RBFOX1: variants seen among roughly 807,000 people sequenced by gnomAD.
The protein encoded by RBFOX1 is RNA binding fox-1 homolog 1.
Under a neutral mutation model 57.7 loss-of-function variants are expected in RBFOX1, and 8 were observed. The ratio of observed to expected loss-of-function variants is 0.14; its 90% CI spans 0.08 to 0.25. The LOEUF (loss-of-function observed/expected upper bound fraction) is 0.25. Ranked by LOEUF, RBFOX1 falls within the 10% of genes least tolerant of loss-of-function variation. The pLI is 1.00. For missense variants in RBFOX1, 611 were observed against 548.5 expected, an observed-to-expected ratio of 1.11 and a Z score of -1.14; for synonymous variants, 326 against 222.4, an observed-to-expected ratio of 1.47 and a Z score of -4.15.
intron 4 of RBFOX1, among the ~76,000 whole-genome samples, chr16:7,390,247 A>T (rs1007331584): frequency 6.6e-6 from 1 of 152,192 alleles, no homozygotes; most frequent in Non-Finnish European, 1.5e-5. Flanking sequence ...ACAGCTGGAC[A>T]TGAGATTTGG....
At chr16:5,646,312 A>G (rs1341587153) in intron 3 of RBFOX1, among the ~76,000 whole-genome samples, 3 of 151,188 alleles carry the variant, frequency 2.0e-5, no homozygotes, top group Non-Finnish European at 2.9e-5. Context: ...GGTGTCAACC[A>G]CTGTGTTGTG....
intron 2 of RBFOX1, among the ~76,000 whole-genome samples, chr16:5,481,721 A>G (rs1775173403): frequency 6.6e-6 from 1 of 152,126 alleles, no homozygotes; most frequent in Non-Finnish European, 1.5e-5. Context: ...AGACAACAGA[A>G]CTGCATTCTG....
intron 3 of RBFOX1, among the ~76,000 whole-genome samples, chr16:6,793,769 C>T (rs1233020805): frequency 3.3e-5 from 5 of 152,068 alleles, no homozygotes; most frequent in African/African-American, 1.2e-4. Context: ...TTCCATGATT[C>T]ATTTTAGATT....
At chr16:5,309,743 A>G (rs1227745089) in intron 1 of RBFOX1, among the ~76,000 whole-genome samples, 1 of 152,228 alleles carries the variant, frequency 6.6e-6, no homozygotes, top group Non-Finnish European at 1.5e-5. Flanking sequence ...GTATAATTTT[A>G]TAAGGAATGA....
In RBFOX1 at chr16:6,518,755, C is replaced by G. The variant is rs145134342; in HGVS notation, c.-63-135848C>G. On this transcript the variant is annotated intron_variant, in intron 2 of 15. Coordinates refer to ENST00000550418, the MANE Select transcript of RBFOX1 (RefSeq NM_018723.4). ...CATCCATCTATCTCTGTCTGTCTGTCTATCCATCTATCTATCCATCTGTCT... is the reference window on the plus strand; with the variant it reads ...CATCCATCTATCTCTGTCTGTCTGTGTATCCATCTATCTATCCATCTGTCT... 4.6e-3 allele frequency among the ~76,000 whole-genome samples: 696 copies of G among 151,966 alleles called. 5 individuals carry two copies. Among genetic ancestry groups the G allele is most frequent in the Non-Finnish European group, 7.5e-3 (513 of 67,986 alleles).
At chr16:5,848,621 T>A (rs2056814334) in intron 3 of RBFOX1, among the ~76,000 whole-genome samples, 1 of 152,146 alleles carries the variant, frequency 6.6e-6, no homozygotes, top group Non-Finnish European at 1.5e-5. Flanking sequence ...GAAGTCTTCC[T>A]ACAGCAGGTG....
chr16:7,523,675 A>G (rs945401030), intron 5 of RBFOX1, among the ~76,000 whole-genome samples: 1 of 152,178 alleles, frequency 6.6e-6, no homozygotes, highest in Admixed American at 6.5e-5. Flanking sequence ...GCTGATCCTG[A>G]AGGAAGTTTT....
At chr16:6,320,803 A>C (rs189812244) in intron 2 of RBFOX1, among the ~76,000 whole-genome samples, 207 of 152,092 alleles carry the variant, frequency 1.4e-3, no homozygotes, top group Middle Eastern at 6.8e-3. Context: ...TATTATTATT[A>C]TTATTTATGA....
intron 3 of RBFOX1, among the ~76,000 whole-genome samples, chr16:6,767,949 A>ATAAT (rs1491137745): frequency 0.018 from 1,312 of 74,438 alleles, 20 homozygotes; most frequent in Admixed American, 0.039. Context: ...AATAATAATA[A>ATAAT]GAAGAAGAAG....
intron 4 of RBFOX1, among the ~76,000 whole-genome samples, chr16:5,915,424 C>A (rs1028173520): frequency 6.6e-6 from 1 of 152,192 alleles, no homozygotes; most frequent in Non-Finnish European, 1.5e-5. Flanking sequence ...GTTCATTCAT[C>A]CATTCAATGA....
intron 2 of RBFOX1, among the ~76,000 whole-genome samples, chr16:5,557,225 A>G (rs901047392): frequency 2.0e-5 from 3 of 151,842 alleles, no homozygotes; most frequent in Admixed American, 2.0e-4. Flanking sequence ...GCGCCACTGC[A>G]CTCCAGCCGG....
intron 1 of RBFOX1, among the ~76,000 whole-genome samples, chr16:6,115,710 T>C (rs1022925373): frequency 1.3e-5 from 2 of 152,198 alleles, no homozygotes; most frequent in South Asian, 2.1e-4. Flanking sequence ...CAACTACTTA[T>C]TGTTTATTTG....
intron 3 of RBFOX1, among the ~76,000 whole-genome samples, chr16:6,660,586 G>C (rs74005641): frequency 6.6e-6 from 1 of 152,118 alleles, no homozygotes; most frequent in East Asian, 1.9e-4. Context: ...CTCCCAAATA[G>C]CAACTCTGTG....
At chr16:7,472,585 A>C (rs12927909) in intron 4 of RBFOX1, among the ~76,000 whole-genome samples, 141,310 of 152,276 alleles carry the variant, frequency 0.93, 66,031 homozygotes, top group East Asian at 1. Flanking sequence ...CTGTGAAACG[A>C]CTCCTTCCAC....
At chr16:6,629,890 C>A (rs908244869) in intron 2 of RBFOX1, among the ~76,000 whole-genome samples, 2 of 150,148 alleles carry the variant, frequency 1.3e-5, no homozygotes, top group Non-Finnish European at 2.9e-5. Context: ...TATGAAGGAC[C>A]TGGACTAACT....
At chr16:7,526,128 G>A (rs547153908) in intron 5 of RBFOX1, among the ~76,000 whole-genome samples, 6 of 152,136 alleles carry the variant, frequency 3.9e-5, no homozygotes, top group Non-Finnish European at 8.8e-5. Context: ...GTACATGCGA[G>A]GGATCTAGAT....
chr16:7,361,497 C>T lies in RBFOX1; in HGVS notation c.28-156650C>T, dbSNP rs142623678. On this transcript the variant is annotated intron_variant, in intron 4 of 15. Coordinates refer to ENST00000550418, the MANE Select transcript of RBFOX1 (RefSeq NM_018723.4). ...TCCCCTGCTTGACACCCTCCTAGTC[C>T]GTGAAATGGAGTAAATCCAGGTTAG... 4.0e-3 allele frequency among the ~76,000 whole-genome samples: 606 copies of T among 152,254 alleles called. 5 individuals carry two copies. The highest frequency in any genetic ancestry group is 0.014 in the African/African-American group (573 of 41,556).
intron 1 of RBFOX1, among the ~76,000 whole-genome samples, chr16:6,110,195 C>G (rs114868475): frequency 7.8e-6 from 1 of 128,264 alleles, no homozygotes; most frequent in Admixed American, 8.1e-5. Flanking sequence ...TTTTCTTCTT[C>G]TTTTTTTTTT....
At chr16:6,209,937 T>C (rs1001753007) in intron 1 of RBFOX1, among the ~76,000 whole-genome samples, 6 of 152,132 alleles carry the variant, frequency 3.9e-5, no homozygotes, top group African/African-American at 1.4e-4. Flanking sequence ...CAAGAGCTTG[T>C]ATTTCTGTCT....
Sources: allele counts gnomAD v4.1 joint callset (sites outside exome capture counted in the v4.1 genomes callset), GRCh38; gene constraint gnomAD v4.1.1; transcripts MANE v1.5; gene names NCBI Gene and HGNC (gene_info 2026-07-23, HGNC 2026-07-21).